Variants in RPS6KA2 observed in about 807,000 individuals in gnomAD.
The protein encoded by RPS6KA2 is ribosomal protein S6 kinase A2, also known as ribosomal protein S6 kinase alpha-2.
RPS6KA2 carries 42 observed loss-of-function variants against 91.8 expected under a neutral mutation model. That is an observed-to-expected ratio of 0.46 (90% CI 0.36 to 0.59). The LOEUF is 0.59. RPS6KA2 is among the 20% of genes least tolerant of loss of function. The pLI is 0.00. For missense variants in RPS6KA2, 798 were observed against 978.5 expected, an observed-to-expected ratio of 0.82 and a Z score of 2.46; for synonymous variants, 414 against 393.6, an observed-to-expected ratio of 1.05 and a Z score of -0.61.
At chr6:166,651,718 G>C (rs1167411473) in intron 2 of RPS6KA2, among the ~76,000 whole-genome samples, 1 of 152,244 alleles carries the variant, frequency 6.6e-6, no homozygotes, top group South Asian at 2.1e-4. Flanking sequence ...TCGATCTGAT[G>C]ACGATGGTGT....
intron 14 of RPS6KA2, among the ~76,000 whole-genome samples, chr6:166,438,679 G>C (rs1387229957): frequency 6.6e-6 from 1 of 152,194 alleles, no homozygotes; most frequent in Non-Finnish European, 1.5e-5. Flanking sequence ...AAGTGCAACA[G>C]TCAGTGAACA....
chr6:166,751,386 G>A (rs1361050206), intron 2 of RPS6KA2, among the ~76,000 whole-genome samples: 1 of 152,270 alleles, frequency 6.6e-6, no homozygotes, highest in Admixed American at 6.5e-5. Flanking sequence ...CTTCCCCTGA[G>A]TTGGCCCTGA....
chr6:166,739,170 G>A (rs751866983), intron 2 of RPS6KA2, among the ~76,000 whole-genome samples: 7 of 152,196 alleles, frequency 4.6e-5, no homozygotes, highest in Admixed American at 2.0e-4. Context: ...TCTGCAGTGA[G>A]TCACTCAGAT....
chr6:166,483,417 A>G (rs1781301898), intron 10 of RPS6KA2, among the ~76,000 whole-genome samples: 1 of 152,154 alleles, frequency 6.6e-6, no homozygotes, highest in Non-Finnish European at 1.5e-5. Context: ...CTGCTGCCAC[A>G]CCAACACCAG....
chr6:166,733,852 A>G lies in RPS6KA2; in HGVS notation c.123+124348T>C, dbSNP rs1790600496. ...TTATAAAGCGGATATGAGCAGGTTT[A>G]CAGGCTGAACAGAGTAAACCAATAG... On this transcript the variant is annotated intron_variant, in intron 2 of 21. Transcript: ENST00000503859. The surrounding 1 kb of genome is among the most constrained non-coding windows in gnomAD (Gnocchi z 4.1). 6.6e-6 allele frequency among the ~76,000 whole-genome samples: 1 copy of G among 152,236 alleles called. No individual in the cohort carries two copies. The highest frequency in any genetic ancestry group is 1.5e-5 in the Non-Finnish European group (1 of 68,042).
At chr6:166,522,606 C>CAG (rs1782898699) in intron 3 of RPS6KA2, among the ~76,000 whole-genome samples, 2 of 152,004 alleles carry the variant, frequency 1.3e-5, no homozygotes, top group African/African-American at 4.8e-5. Context: ...TCCCCCACTG[C>CAG]GCGGCCATTG....
At chr6:166,761,908 C>T (rs505982) in intron 2 of RPS6KA2, among the ~76,000 whole-genome samples, 64,064 of 152,058 alleles carry the variant, frequency 0.42, 15,544 homozygotes, top group African/African-American at 0.68. Flanking sequence ...AGTCTCATGG[C>T]GAGAACAAAG....
chr6:166,862,176 A>G, exon 1 of RPS6KA2: 1 of 1,614,208 alleles, frequency 6.2e-7, no homozygotes, highest in Non-Finnish European at 8.5e-7. Flanking sequence ...GGCATTTTTA[A>G]ACTTTCCTTT....
At chr6:166,578,001 C>T (rs538574929) in intron 1 of RPS6KA2, among the ~76,000 whole-genome samples, 11 of 152,186 alleles carry the variant, frequency 7.2e-5, no homozygotes, top group South Asian at 2.1e-4. Flanking sequence ...CAGGGGTTTC[C>T]GCTTTTGCTT....
chr6:166,859,541 G>A (rs991734820), intron 1 of RPS6KA2, among the ~76,000 whole-genome samples: 2 of 152,300 alleles, frequency 1.3e-5, no homozygotes, highest in Non-Finnish European at 1.5e-5. Context: ...TAATGAGCAC[G>A]TTGCCTTGTC....
chr6:166,501,671 T>A (rs562501434), intron 6 of RPS6KA2, among the ~76,000 whole-genome samples: 3 of 152,312 alleles, frequency 2.0e-5, no homozygotes, highest in Admixed American at 2.0e-4. Flanking sequence ...CATAAATCCC[T>A]TCTTCCCTGA....
intron 2 of RPS6KA2, chr6:166,858,051 C>G: frequency 1.5e-6 from 1 of 665,914 alleles, no homozygotes; most frequent in South Asian, 1.8e-5. Context: ...CATATATACA[C>G]GTTTGTGCAT....
intron 2 of RPS6KA2, among the ~76,000 whole-genome samples, chr6:166,760,714 C>T (rs1025952762): frequency 3.9e-5 from 6 of 152,162 alleles, no homozygotes; most frequent in Admixed American, 1.3e-4. Context: ...CTGATGGCAA[C>T]GTGCATGGAT....
rs553693970 is a variant in RPS6KA2 at position 166,503,860 on chromosome 6, A to G, written c.566+646T>C. On this transcript the variant is annotated intron_variant, in intron 6 of 20. Coordinates refer to ENST00000265678, the MANE Select transcript of RPS6KA2 (RefSeq NM_021135.6). Reference sequence around the variant, plus strand: ...TAGATTAGCAAAATATCGTAGAAATAATAGCCTCACAGGTCACCACTGCCA... The same window carrying G: ...TAGATTAGCAAAATATCGTAGAAATGATAGCCTCACAGGTCACCACTGCCA... Among the ~76,000 whole-genome samples, 10 of 152,338 alleles carry G rather than the reference A, an allele frequency of 6.6e-5. No individual in the cohort carries two copies. In the South Asian group the frequency reaches 2.1e-3, roughly 32 times the overall value.
chr6:166,805,801 G>A (rs1779479435), intron 2 of RPS6KA2, among the ~76,000 whole-genome samples: 1 of 152,154 alleles, frequency 6.6e-6, no homozygotes, highest in Admixed American at 6.5e-5. Context: ...AAAAAGACCT[G>A]ATGGTAGATC....
At chr6:166,525,773 A>G (rs1043465092) in intron 3 of RPS6KA2, among the ~76,000 whole-genome samples, 4 of 152,172 alleles carry the variant, frequency 2.6e-5, no homozygotes, top group African/African-American at 9.7e-5. Flanking sequence ...GGTGGAGAGC[A>G]TCCCTGCGGC....
chr6:166,647,156 TCTC>T (rs1321718583), intron 2 of RPS6KA2, among the ~76,000 whole-genome samples: 35 of 144,086 alleles, frequency 2.4e-4, no homozygotes, highest in South Asian at 2.2e-4. Context: ...GCCCCAGTGT[TCTC>T]CTATTTTTTT....
chr6:166,586,312 T>C, intron 1 of RPS6KA2: 2 of 1,599,288 alleles, frequency 1.3e-6, no homozygotes, highest in Non-Finnish European at 1.7e-6. Flanking sequence ...TGCAACCGAT[T>C]GCCTCTGTTT....
At chr6:166,453,558 A>T (rs1395535658) in intron 12 of RPS6KA2, among the ~76,000 whole-genome samples, 2 of 152,242 alleles carry the variant, frequency 1.3e-5, no homozygotes, top group Non-Finnish European at 2.9e-5. Context: ...ATTACTAAAA[A>T]GTCAAAAAAA....
Sources: allele counts gnomAD v4.1 joint callset (sites outside exome capture counted in the v4.1 genomes callset), GRCh38; gene constraint gnomAD v4.1.1; non-coding constraint Gnocchi (gnomAD v3.1); transcripts MANE v1.5; gene names NCBI Gene and HGNC (gene_info 2026-07-23, HGNC 2026-07-21).